The following APBA1 variants were observed in gnomAD, a reference collection of about 807,000 sequenced individuals.
APBA1 encodes amyloid beta precursor protein binding family A member 1, also known as amyloid-beta A4 precursor protein-binding family A member 1.
In APBA1, 55 loss-of-function variants were observed where a neutral mutation model predicts 86.6. The observed-to-expected ratio is 0.64, with a 90% CI of 0.51 to 0.80. The LOEUF is 0.80. Ranked by LOEUF, APBA1 falls within the 30% of genes least tolerant of loss-of-function variation. APBA1 has a pLI of 0.00. For missense variants in APBA1, 1,090 were observed against 1,183.0 expected (o/e 0.92, Z 1.15); for synonymous variants, 511 against 493.9 (o/e 1.03, Z -0.46).
chr9:69,526,476 A>C (rs555693138), intron 1 of APBA1, among the ~76,000 whole-genome samples: 2 of 152,272 alleles, frequency 1.3e-5, no homozygotes, highest in East Asian at 3.9e-4. Context: ...AAAAATGTTC[A>C]ATATCACTAA....
chr9:69,530,403 C>T (rs1435487327), intron 1 of APBA1, among the ~76,000 whole-genome samples: 1 of 150,970 alleles, frequency 6.6e-6, no homozygotes, highest in African/African-American at 2.4e-5. Context: ...AGAATGAAAT[C>T]ATATTCTTTG....
intron 9 of APBA1, among the ~76,000 whole-genome samples, chr9:69,450,582 T>G (rs765466676): frequency 2.0e-5 from 3 of 152,198 alleles, no homozygotes; most frequent in Non-Finnish European, 4.4e-5. Flanking sequence ...GTCAGCCCCT[T>G]CCCTGGAGAA....
chr9:69,547,356 CAACAGG>C (rs2133924461), intron 1 of APBA1, among the ~76,000 whole-genome samples: 1 of 152,266 alleles, frequency 6.6e-6, no homozygotes, highest in South Asian at 2.1e-4. Context: ...TCCAGGCAGG[CAACAGG>C]GACAGGGCAT....
intron 9 of APBA1, among the ~76,000 whole-genome samples, chr9:69,450,062 T>TTTTG (rs1156977913): frequency 3.4e-5 from 5 of 145,004 alleles, no homozygotes; most frequent in African/African-American, 1.4e-4. Flanking sequence ...ACCAGTTTTT[T>TTTTG]TTTTTTTTTT....
At chr9:69,642,411 C>T (rs933339921) in intron 1 of APBA1, among the ~76,000 whole-genome samples, 1 of 152,142 alleles carries the variant, frequency 6.6e-6, no homozygotes, top group African/African-American at 2.4e-5. Context: ...ATTATCTCTA[C>T]CACTTAACTA....
chr9:69,628,747 A>T (rs1258423739), intron 1 of APBA1, among the ~76,000 whole-genome samples: 1 of 152,176 alleles, frequency 6.6e-6, no homozygotes, highest in Non-Finnish European at 1.5e-5. Flanking sequence ...AAGTAGCTTG[A>T]CTTAAAATTC....
At chr9:69,530,321 T>TACAC (rs1377057202) in intron 1 of APBA1, among the ~76,000 whole-genome samples, 43 of 136,318 alleles carry the variant, frequency 3.2e-4, no homozygotes, top group African/African-American at 1.2e-3. Flanking sequence ...TATATATATA[T>TACAC]ATATATATAC....
At chr9:69,518,345 C>T (rs1156667001) in intron 1 of APBA1, among the ~76,000 whole-genome samples, 3 of 152,022 alleles carry the variant, frequency 2.0e-5, no homozygotes, top group Non-Finnish European at 2.9e-5. Flanking sequence ...CCATGGATAC[C>T]AAGGGAGGAC....
chr9:69,629,105 C>T (rs981965978), intron 1 of APBA1, among the ~76,000 whole-genome samples: 1 of 151,920 alleles, frequency 6.6e-6, no homozygotes. Flanking sequence ...TATGTGACCC[C>T]TATAATAAGG....
chr9:69,432,050 C>T (rs528386275), intron 12 of APBA1, among the ~76,000 whole-genome samples: 2 of 152,248 alleles, frequency 1.3e-5, no homozygotes, highest in Non-Finnish European at 2.9e-5. Flanking sequence ...GTAGTGATGA[C>T]TGATAGGAGT....
chr9:69,573,190 A>C (rs1397710828), intron 1 of APBA1, among the ~76,000 whole-genome samples: 3 of 152,114 alleles, frequency 2.0e-5, no homozygotes, highest in Non-Finnish European at 4.4e-5. Context: ...GAAGAAGAAG[A>C]ATACAATTTG....
intron 1 of APBA1, among the ~76,000 whole-genome samples, chr9:69,582,332 A>T (rs1438942043): frequency 1.3e-5 from 2 of 152,182 alleles, no homozygotes; most frequent in Admixed American, 1.3e-4. Context: ...CCAAACAAAG[A>T]AGTGAAATCT....
chr9:69,640,013 C>T (rs2134006866), intron 1 of APBA1, among the ~76,000 whole-genome samples: 1 of 152,108 alleles, frequency 6.6e-6, no homozygotes, highest in East Asian at 1.9e-4. Context: ...CAGCAAAACC[C>T]AGACTAAACT....
intron 1 of APBA1, among the ~76,000 whole-genome samples, chr9:69,531,788 A>G (rs1382363357): frequency 1.3e-5 from 2 of 152,168 alleles, no homozygotes; most frequent in Admixed American, 6.5e-5. Context: ...AGGAAAGAGA[A>G]CCCTAGGAAC....
At chr9:69,541,223 G>C (rs1836603609) in intron 1 of APBA1, among the ~76,000 whole-genome samples, 1 of 151,074 alleles carries the variant, frequency 6.6e-6, no homozygotes, top group South Asian at 2.1e-4. Flanking sequence ...TGGATCATAA[G>C]GCAGTTCTAT....
At chr9:69,523,459 A>ATG in intron 1 of APBA1, among the ~76,000 whole-genome samples, 1 of 134,010 alleles carries the variant, frequency 7.5e-6, no homozygotes, top group Non-Finnish European at 1.6e-5. Context: ...GCTATCATGT[A>ATG]TGTGTATATA....
At chr9:69,476,272 C>G (rs1835445001) in intron 2 of APBA1, 129 bp from the exon 3 acceptor site, 1 of 627,824 alleles carries the variant, frequency 1.6e-6, no homozygotes, top group East Asian at 2.7e-5. Flanking sequence ...GGGGAGAAAA[C>G]CTCTTAAAAA....
rs995453259 is a variant in APBA1, at chr9:69,573,167, A to T, written c.-69-55888T>A. On this transcript the variant is annotated intron_variant, in intron 1 of 12. Transcript: ENST00000265381. The stretch of plus-strand genomic sequence containing the variant: ...GAGCAAGACCATCTCAAAAAAAATA[A>T]ATAAATAAAGAAGAAGAAGAAGAAT... 1.1e-3 allele frequency among the ~76,000 whole-genome samples: 164 copies of T among 152,292 alleles called. 1 individual carries two copies. Among genetic ancestry groups the T allele is most frequent in the African/African-American group, 3.9e-3 (162 of 41,574 alleles).
Position 69,517,145 on chromosome 9 carries a change from G to A in APBA1, c.66C>T (p.Asn22=), listed in dbSNP as rs1488919597. ...VTDEAAGGEV[N]ESVEADLEHP... ...GCTCCAGGTCGGCCTCCACCGACTC[G>A]TTCACCTCCCCACCTGCCGCCTCGT... Residue 22 remains asparagine, a synonymous_variant, in exon 2 of 13, where the codon AAC becomes AAT. Transcript: ENST00000265381. 2.6e-6 allele frequency: 4 copies of A among 1,566,406 alleles called. No homozygotes were observed. Among genetic ancestry groups the A allele is most frequent in the East Asian group, 2.4e-5 (1 of 42,250 alleles).
Sources: allele counts gnomAD v4.1 joint callset (sites outside exome capture counted in the v4.1 genomes callset), GRCh38; gene constraint gnomAD v4.1.1; transcripts MANE v1.5; gene names NCBI Gene and HGNC (gene_info 2026-07-23, HGNC 2026-07-21).